Variants in RAB10 observed in about 807,000 individuals in gnomAD.
RAB10 encodes RAB10, member RAS oncogene family, also known as ras-related protein Rab-10.
RAB10 carries 5 observed loss-of-function variants against 25.7 expected under a neutral mutation model. The observed-to-expected ratio is 0.19, with a 90% CI of 0.10 to 0.41. The LOEUF is 0.41. RAB10 is among the 10% of genes least tolerant of loss of function. The probability of loss-of-function intolerance (pLI) is 1.00; values close to 1 mark genes in which losing one functional copy is unlikely to be tolerated. For missense variants in RAB10, 103 were observed against 245.8 expected (o/e 0.42, Z 3.89); for synonymous variants, 89 against 86.4 (o/e 1.03, Z -0.16).
intron 5 of RAB10, among the ~76,000 whole-genome samples, chr2:26,134,021 T>C (rs1668059219): frequency 6.6e-6 from 1 of 152,220 alleles, no homozygotes; most frequent in African/African-American, 2.4e-5. Flanking sequence ...AGCAGAATTA[T>C]ACTAAGAATA....
At chr2:26,065,787 G>A (rs1369309815) in intron 1 of RAB10, among the ~76,000 whole-genome samples, 1 of 152,092 alleles carries the variant, frequency 6.6e-6, no homozygotes, top group African/African-American at 2.4e-5. Context: ...CAGTTACTAT[G>A]TATATTTGTA....
chr2:26,075,322 A>G (rs929331382), intron 1 of RAB10, among the ~76,000 whole-genome samples: 1 of 152,158 alleles, frequency 6.6e-6, no homozygotes, highest in African/African-American at 2.4e-5. Flanking sequence ...TCTTTCTCCA[A>G]CAGGGAGAAC....
chr2:26,060,138 A>G (rs1574532357), intron 1 of RAB10, among the ~76,000 whole-genome samples: 5 of 152,290 alleles, frequency 3.3e-5, no homozygotes, highest in South Asian at 2.1e-4. Flanking sequence ...AGAATTTGTG[A>G]ATTCGTGTGA....
At chr2:26,106,867 A>G (rs376144127) in intron 2 of RAB10, among the ~76,000 whole-genome samples, 135 of 152,280 alleles carry the variant, frequency 8.9e-4, no homozygotes, top group African/African-American at 2.9e-3. Flanking sequence ...CCTGGGCGAC[A>G]GAGCAAGACT....
rs144622617 is a variant in RAB10 at position 26,091,394 on chromosome 2, G to A, written c.128-7268G>A. Among the ~76,000 whole-genome samples the A allele has an allele frequency of 2.0e-5, 3 of 152,214 alleles. No individual in the cohort carries two copies. In the East Asian group the frequency reaches 5.8e-4, roughly 29 times the overall value. On this transcript the variant is annotated intron_variant, in intron 1 of 5. Transcript: ENST00000264710. ...TGATGGATGAGAAAGGTAGTCAGAGGTTAGGGGAATAGTACCTTTATGGAA... is the reference window on the plus strand; with the variant it reads ...TGATGGATGAGAAAGGTAGTCAGAGATTAGGGGAATAGTACCTTTATGGAA...
chr2:26,052,832 C>T (rs1666166148), intron 1 of RAB10, among the ~76,000 whole-genome samples: 1 of 152,202 alleles, frequency 6.6e-6, no homozygotes, highest in African/African-American at 2.4e-5. Context: ...TGAGGGATGA[C>T]AATATTGGTA....
chr2:26,072,515 T>G (rs992074574), intron 1 of RAB10, among the ~76,000 whole-genome samples: 2 of 152,104 alleles, frequency 1.3e-5, no homozygotes, highest in Admixed American at 6.5e-5. Context: ...TTTAAGAAAT[T>G]ACTGCTTGTT....
intron 1 of RAB10, among the ~76,000 whole-genome samples, chr2:26,045,742 T>C (rs1399774050): frequency 6.6e-6 from 1 of 152,220 alleles, no homozygotes; most frequent in Non-Finnish European, 1.5e-5. Context: ...CATTTTTATT[T>C]GATTTGATTT....
intron 2 of RAB10, among the ~76,000 whole-genome samples, chr2:26,100,331 G>C (rs904355638): frequency 1.1e-4 from 16 of 152,036 alleles, no homozygotes; most frequent in African/African-American, 3.9e-4. Context: ...CTTATCCTCT[G>C]CCATTAAAAA....
chr2:26,065,450 C>A (rs942381008), intron 1 of RAB10, among the ~76,000 whole-genome samples: 1 of 151,770 alleles, frequency 6.6e-6, no homozygotes. Context: ...TGTTTGCAAG[C>A]TTTTGTTTTC....
chr2:26,066,307 C>T (rs1004453547), intron 1 of RAB10, among the ~76,000 whole-genome samples: 7 of 152,088 alleles, frequency 4.6e-5, no homozygotes, highest in African/African-American at 1.7e-4. Context: ...GAAGAACAGT[C>T]ATTGGATCTA....
chr2:26,087,421 T>C (rs559514710), intron 1 of RAB10, among the ~76,000 whole-genome samples: 1 of 152,302 alleles, frequency 6.6e-6, no homozygotes, highest in East Asian at 1.9e-4. Flanking sequence ...ACTATTATTA[T>C]GACGAATTTT....
At chr2:26,071,682 T>A (rs1666629319) in intron 1 of RAB10, among the ~76,000 whole-genome samples, 1 of 69,082 alleles carries the variant, frequency 1.4e-5, no homozygotes, top group South Asian at 5.1e-4. Flanking sequence ...GAGTGAGACT[T>A]CATCTCAAAA....
At chr2:26,113,743 TA>T (rs56063928) in intron 3 of RAB10, among the ~76,000 whole-genome samples, 85,704 of 125,340 alleles carry the variant, frequency 0.68, 27,957 homozygotes, top group East Asian at 0.82. Context: ...CAGCCAGAGC[TA>T]AAAAAAAAAA....
rs566866727 is a variant in RAB10 at position 26,111,789 on chromosome 2, A to G, written c.327+1883A>G. 5.3e-5 allele frequency among the ~76,000 whole-genome samples: 8 copies of G among 152,252 alleles called. No homozygotes were observed. In the South Asian group the frequency reaches 1.2e-3, roughly 24 times the overall value. The stretch of plus-strand genomic sequence containing the variant: ...AACTGGTGTCCTGCTATTCAATGCT[A>G]TTCTGACACTGACTACCCTGAATTA... On this transcript the variant is annotated intron_variant, in intron 3 of 5. Coordinates refer to ENST00000264710, the MANE Select transcript of RAB10 (RefSeq NM_016131.5).
intron 1 of RAB10, among the ~76,000 whole-genome samples, chr2:26,066,730 A>G (rs1666519740): frequency 1.3e-5 from 2 of 151,486 alleles, no homozygotes; most frequent in Non-Finnish European, 2.9e-5. Context: ...TGGGAACTAC[A>G]GTTCAAGATG....
intron 1 of RAB10, among the ~76,000 whole-genome samples, chr2:26,084,817 A>T (rs1211647078): frequency 6.6e-6 from 1 of 152,132 alleles, no homozygotes; most frequent in Non-Finnish European, 1.5e-5. Flanking sequence ...TGTATTTTTA[A>T]TAGTGCTAGT....
intron 2 of RAB10, among the ~76,000 whole-genome samples, chr2:26,099,479 C>T (rs1317922380): frequency 6.6e-6 from 1 of 151,816 alleles, no homozygotes; most frequent in Non-Finnish European, 1.5e-5. Flanking sequence ...CCCCTGGTCC[C>T]CAGGCAGCCA....
rs552764964 is a variant in RAB10, at chr2:26,110,006, G to A, written c.327+100G>A. The A allele has an allele frequency of 5.2e-5, 63 of 1,215,382 alleles. 1 individual carries two copies. In the South Asian group the frequency reaches 1.2e-3, roughly 24 times the overall value. The allele number at this position is 1,215,382 out of a possible 1,614,324, so 75.3% of individuals were successfully genotyped here. A position where few individuals can be genotyped will look rare whatever the true frequency, so the allele number is the denominator to read the frequency against. The stretch of plus-strand genomic sequence containing the variant: ...ACTGATCTTCAGGATATAATGTACT[G>A]TTGAAGTCATTATTATTGAAGTATT... On this transcript the variant is annotated intron_variant, in intron 3 of 5. Coordinates refer to ENST00000264710, the MANE Select transcript of RAB10 (RefSeq NM_016131.5).
Sources: gnomAD v4.1 joint callset for allele counts (sites outside exome capture counted in the v4.1 genomes callset) on GRCh38, gnomAD v4.1.1 for gene constraint, MANE v1.5 for transcripts, NCBI Gene and HGNC (gene_info 2026-07-23, HGNC 2026-07-21) for gene names.